The following MPPED1 variants were observed in gnomAD, a reference collection of about 807,000 sequenced individuals.
MPPED1 encodes the protein metallophosphoesterase domain-containing protein 1.
In MPPED1, 16 loss-of-function variants were observed where a neutral mutation model predicts 36.2. The observed-to-expected ratio is 0.44, with a 90% confidence interval of 0.30 to 0.67. The LOEUF is 0.67. Ranked by LOEUF, MPPED1 falls within the 30% of genes least tolerant of loss-of-function variation. The pLI is 0.10. For missense variants in MPPED1, 307 were observed against 453.4 expected (o/e 0.68, Z 2.93); for synonymous variants, 199 against 191.3 (o/e 1.04, Z -0.33).
At chr22:43,504,644 G>T (rs62638146) in intron 6 of MPPED1, among the ~76,000 whole-genome samples, 6,127 of 151,262 alleles carry the variant, frequency 0.041, 184 homozygotes, top group Admixed American at 0.075. Flanking sequence ...GTGGTGGTGA[G>T]AATGGCGATG....
At chr22:43,450,382 T>C (rs1416565557) in intron 3 of MPPED1, among the ~76,000 whole-genome samples, 4 of 152,210 alleles carry the variant, frequency 2.6e-5, no homozygotes, top group Non-Finnish European at 5.9e-5. Flanking sequence ...ACACACTTGC[T>C]TTGGAGGGCT....
intron 2 of MPPED1, among the ~76,000 whole-genome samples, chr22:43,429,252 G>A (rs1433683918): frequency 6.6e-6 from 1 of 152,204 alleles, no homozygotes; most frequent in Non-Finnish European, 1.5e-5. Flanking sequence ...TTCCCACCCA[G>A]TGCTGTGTGG....
Position 43,502,918 on chromosome 22 carries a change from C to CTAT in MPPED1, c.862+163_862+165dup, listed in dbSNP as rs1251387498. On this transcript the variant is annotated intron_variant, in intron 6 of 6. Coordinates refer to ENST00000443721, the MANE Select transcript of MPPED1 (RefSeq NM_001044370.2). This position sits in a 1 kb window ranked among gnomAD's most constrained non-coding sequence, Gnocchi z 5.5. ...CATACACACCCTGGCTGTCAATGAG[C>CTAT]TATTGCTAAATGTTTAATAATAGGA... 1.3e-5 allele frequency among the ~76,000 whole-genome samples: 2 copies of CTAT among 152,194 alleles called. No homozygotes were observed. The highest frequency in any genetic ancestry group is 3.8e-4 in the East Asian group (2 of 5,198).
chr22:43,506,538 C>T lies in MPPED1; in HGVS notation c.*922C>T, dbSNP rs1372514711. 6.6e-6 allele frequency: 1 copy of T among 152,306 alleles called. No homozygotes were observed. Among genetic ancestry groups the T allele is most frequent in the African/African-American group, 2.4e-5 (1 of 41,464 alleles). 9.4% of individuals were successfully genotyped at this position (152,306 alleles called of 1,614,324 possible). Reference sequence around the variant, plus strand: ...TGAACCAAGTGGGTCCTGTGTTTCTCTTTTCTGCCCCGTAGTGAGGTTCTG... The same window carrying T: ...TGAACCAAGTGGGTCCTGTGTTTCTTTTTTCTGCCCCGTAGTGAGGTTCTG... On this transcript the variant is annotated 3_prime_UTR_variant, in exon 7 of 7. Transcript: ENST00000443721.
At position 43,451,497 on chromosome 22, in the gene MPPED1, G is replaced by A. The variant is rs182760457; in HGVS notation, c.406+16282G>A. Among the ~76,000 whole-genome samples the A allele has an allele frequency of 9.1e-4, 138 of 152,302 alleles. 1 individual carries two copies. In the Middle Eastern group the frequency reaches 0.034, roughly 38 times the overall value. The stretch of plus-strand genomic sequence containing the variant: ...ATTTCACACCTTTCGGAGTGTGCAC[G>A]ATGCAAATGAAGATCCGAGAGCTCG... On this transcript the variant is annotated intron_variant, in intron 3 of 6. Transcript: ENST00000443721.
intron 1 of MPPED1, among the ~76,000 whole-genome samples, chr22:43,412,715 CAT>C (rs1350949616): frequency 1.1e-4 from 13 of 122,228 alleles, no homozygotes; most frequent in Admixed American, 1.0e-3. Flanking sequence ...TCACTCAACA[CAT>C]ATTTATTCCT....
chr22:43,416,172 C>T (rs2146809268), intron 1 of MPPED1, among the ~76,000 whole-genome samples: 1 of 152,324 alleles, frequency 6.6e-6, no homozygotes, highest in East Asian at 1.9e-4. Context: ...GCCCTGGGTT[C>T]CCTGCACAAT....
At chr22:43,475,972 G>A (rs918914223) in intron 4 of MPPED1, among the ~76,000 whole-genome samples, 11 of 97,690 alleles carry the variant, frequency 1.1e-4, no homozygotes, top group East Asian at 3.7e-4. Context: ...GGATGATTAC[G>A]GTGGTGGTGG....
At chr22:43,483,492 C>T (rs937701005) in intron 4 of MPPED1, among the ~76,000 whole-genome samples, 1 of 152,282 alleles carries the variant, frequency 6.6e-6, no homozygotes, top group African/African-American at 2.4e-5. Context: ...CTGCAGCATG[C>T]CACGCCCTCG....
In MPPED1 at chr22:43,474,903, A is replaced by T. The variant is rs780447019; in HGVS notation, c.574A>T (p.Ile192Phe). Residue 192 changes from isoleucine (I) to phenylalanine (F), a missense_variant, in exon 4 of 7, where the codon ATC becomes TTC. Ile to Phe is a conservative substitution (Grantham distance 21, BLOSUM62 0). Coordinates refer to ENST00000443721, the MANE Select transcript of MPPED1 (RefSeq NM_001044370.2). This position sits in a 1 kb window ranked among gnomAD's most constrained non-coding sequence, Gnocchi z 5.2. Reference protein sequence around the residue: ...ENVQSLLTNCIYLQDSEVTVR... With the variant: ...ENVQSLLTNCFYLQDSEVTVR... ...TGTGCAGTCGCTGCTGACCAACTGCATCTACCTTCAGGACTCGGAGGTCAC... is the reference window on the plus strand; with the variant it reads ...TGTGCAGTCGCTGCTGACCAACTGCTTCTACCTTCAGGACTCGGAGGTCAC... 1.2e-6 allele frequency: 2 copies of T among 1,613,986 alleles called. No homozygotes were observed. Among genetic ancestry groups the T allele is most frequent in the East Asian group, 2.2e-5 (1 of 44,880 alleles).
chr22:43,453,358 C>G lies in MPPED1; in HGVS notation c.406+18143C>G, dbSNP rs576738353. Among the ~76,000 whole-genome samples the G allele has an allele frequency of 4.6e-5, 7 of 152,152 alleles. No individual in the cohort carries two copies. In the East Asian group the frequency reaches 7.7e-4, roughly 17 times the overall value. On this transcript the variant is annotated intron_variant, in intron 3 of 6. Coordinates refer to ENST00000443721, the MANE Select transcript of MPPED1 (RefSeq NM_001044370.2). ...GCCCCTTTAAATGGGTTTTCTGTAGCCAGAAGACACCTTTTACTCAGTGAC... is the reference window on the plus strand; with the variant it reads ...GCCCCTTTAAATGGGTTTTCTGTAGGCAGAAGACACCTTTTACTCAGTGAC...
At chr22:43,448,268 T>C (rs532788515) in intron 3 of MPPED1, among the ~76,000 whole-genome samples, 8 of 152,368 alleles carry the variant, frequency 5.3e-5, no homozygotes, top group African/African-American at 1.9e-4. Context: ...TGTATATCTG[T>C]GCTGTCCAGT....
In MPPED1 at chr22:43,500,196, G is replaced by A. The variant is rs1319562093; in HGVS notation, c.748+1846G>A. On this transcript the variant is annotated intron_variant, in intron 5 of 6. Transcript: ENST00000443721. ...GGAGGTGGTGGTGATGGTGATGGAG[G>A]TGGTAATGGAGGTGGTGGGGGTGAT... Among the ~76,000 whole-genome samples, 65 of 52,664 alleles carry A rather than the reference G, an allele frequency of 1.2e-3. 6 individuals carry two copies. Among genetic ancestry groups the A allele is most frequent in the Non-Finnish European group, 1.3e-3 (39 of 28,988 alleles). The allele number at this position is 52,664 out of a possible 152,430, so 34.5% of individuals were successfully genotyped here.
At chr22:43,417,141 A>C (rs768614655) in intron 1 of MPPED1, 18 of 431,276 alleles carry the variant, frequency 4.2e-5, no homozygotes, top group Non-Finnish European at 5.3e-5. Flanking sequence ...GTCATAATTC[A>C]AAATGGGCCC....
At chr22:43,416,327 T>C (rs1929075209) in intron 1 of MPPED1, 1 of 152,242 alleles carries the variant, frequency 6.6e-6, no homozygotes, top group South Asian at 2.1e-4. Context: ...GAACTGATCA[T>C]AAAAATGGCA....
intron 1 of MPPED1, among the ~76,000 whole-genome samples, chr22:43,423,620 C>A (rs116690016): frequency 5.9e-5 from 9 of 152,178 alleles, no homozygotes; most frequent in Admixed American, 2.0e-4. Flanking sequence ...AAATTAATAA[C>A]CCATTTCTCC....
At chr22:43,437,699 G>A (rs1182263036) in intron 3 of MPPED1, among the ~76,000 whole-genome samples, 2 of 152,230 alleles carry the variant, frequency 1.3e-5, no homozygotes, top group Non-Finnish European at 2.9e-5. Context: ...AGGCTCCCCT[G>A]CCTCGCATCC....
At chr22:43,443,667 T>TA (rs146411342) in intron 3 of MPPED1, among the ~76,000 whole-genome samples, 3,953 of 149,996 alleles carry the variant, frequency 0.026, 142 homozygotes, top group African/African-American at 0.08. Context: ...ATCACTTTGA[T>TA]AAAAAAAAAG....
intron 3 of MPPED1, among the ~76,000 whole-genome samples, chr22:43,460,185 G>A (rs948638271): frequency 9.4e-5 from 14 of 149,306 alleles, no homozygotes; most frequent in South Asian, 2.1e-4. Flanking sequence ...CCAGCCTGGC[G>A]ACAGAGTGAG....
Sources: allele counts gnomAD v4.1 joint callset (sites outside exome capture counted in the v4.1 genomes callset), GRCh38; gene constraint gnomAD v4.1.1; non-coding constraint Gnocchi (gnomAD v3.1); transcripts MANE v1.5; gene names NCBI Gene and HGNC (gene_info 2026-07-23, HGNC 2026-07-21).